Variants in CHAT observed in about 807,000 individuals in gnomAD.
CHAT encodes acetyl CoA:choline O-acetyltransferase.
A neutral mutation model predicts 76.9 loss-of-function variants in CHAT; 61 were observed. The ratio of observed to expected loss-of-function variants is 0.79; its 90% confidence interval spans 0.65 to 0.98. CHAT has a LOEUF of 0.98. Among genes scored for constraint, CHAT ranks in the 50% least tolerant of loss-of-function variants. The probability of loss-of-function intolerance (pLI) is 0.00; values close to 1 mark genes in which losing one functional copy is unlikely to be tolerated. For missense variants in CHAT, 946 were observed against 986.9 expected, an observed-to-expected ratio of 0.96 and a Z score of 0.56; for synonymous variants, 407 against 397.4, an observed-to-expected ratio of 1.02 and a Z score of -0.29.
At chr10:49,621,857 GGCAAGAACCACATCTGATTAGT>G (rs1358535688) in intron 4 of CHAT, among the ~76,000 whole-genome samples, 67 of 127,672 alleles carry the variant, frequency 5.2e-4, no homozygotes, top group African/African-American at 1.9e-3. Context: ...GGGGCTGGGG[GGCAAGAACCACATCTGATTAGT>G]GCAGGAACCA....
upstream of CHAT, chr10:49,610,815 G>A (rs1288731626): frequency 6.2e-7 from 1 of 1,601,940 alleles, no homozygotes; most frequent in Non-Finnish European, 8.5e-7. Flanking sequence ...GCGCGGCGCT[G>A]CAGGAGCCCC....
chr10:49,644,843 C>G (rs915583637), intron 7 of CHAT, among the ~76,000 whole-genome samples: 1 of 152,196 alleles, frequency 6.6e-6, no homozygotes, highest in Admixed American at 6.5e-5. Context: ...GTGTACACAG[C>G]AGGCATTGAG....
At chr10:49,645,258 C>T (rs1302543575) in intron 7 of CHAT, among the ~76,000 whole-genome samples, 2 of 152,206 alleles carry the variant, frequency 1.3e-5, no homozygotes, top group African/African-American at 4.8e-5. Context: ...ATGCACCCAT[C>T]TTCCCACACA....
At chr10:49,624,511 C>T (rs534984455) in intron 5 of CHAT, among the ~76,000 whole-genome samples, 33 of 152,338 alleles carry the variant, frequency 2.2e-4, no homozygotes, top group African/African-American at 7.2e-4. Flanking sequence ...CCTGCCAACA[C>T]TCTGTCTCAC....
chr10:49,609,589 G>T (rs1197971670), upstream of CHAT, among the ~76,000 whole-genome samples: 1 of 151,986 alleles, frequency 6.6e-6, no homozygotes, highest in Non-Finnish European at 1.5e-5. Flanking sequence ...TAATATTCGC[G>T]ACCCCGACTG....
At chr10:49,642,364 C>G (rs1839510881) in intron 7 of CHAT, among the ~76,000 whole-genome samples, 1 of 152,226 alleles carries the variant, frequency 6.6e-6, no homozygotes, top group African/African-American at 2.4e-5. Context: ...GCAAGGCCAC[C>G]TGGCTCCCCG....
At position 49,652,983 on chromosome 10, in the gene CHAT, T is replaced by C. The variant is rs550425652; in HGVS notation, c.1634+977T>C. Among the ~76,000 whole-genome samples, 10 of 152,158 alleles carry C rather than the reference T, an allele frequency of 6.6e-5. 1 individual carries two copies. In the South Asian group the frequency reaches 2.1e-3, roughly 32 times the overall value. ...GCCACCCATTCTCTGTCATACCACA[T>C]TGAATTTTCTTTTTCTTTCAGGCAG... On this transcript the variant is annotated intron_variant, in intron 11 of 14. Coordinates refer to ENST00000337653, the MANE Select transcript of CHAT (RefSeq NM_020549.5).
chr10:49,611,349 G>A, upstream of CHAT: 2 of 1,601,492 alleles, frequency 1.2e-6, no homozygotes, highest in South Asian at 1.1e-5. Flanking sequence ...TCGCCGATAA[G>A]TACCCGGAGG....
intron 4 of CHAT, among the ~76,000 whole-genome samples, chr10:49,621,418 C>T (rs1357009155): frequency 6.6e-6 from 1 of 152,230 alleles, no homozygotes; most frequent in Non-Finnish European, 1.5e-5. Context: ...AAACAGTTCT[C>T]ACAATTGCAT....
intron 7 of CHAT, among the ~76,000 whole-genome samples, chr10:49,645,594 C>T (rs1839634018): frequency 6.6e-6 from 1 of 152,150 alleles, no homozygotes; most frequent in Non-Finnish European, 1.5e-5. Context: ...CTTGGTGAAC[C>T]TCCCTGTGCC....
chr10:49,611,829 G>C (rs1366078786), upstream of CHAT: 6 of 1,604,172 alleles, frequency 3.7e-6, no homozygotes, highest in South Asian at 4.4e-5. Context: ...GCGCGCTTGG[G>C]CTGGCTGTGA....
At chr10:49,610,928 A>T (rs1838276448), upstream of CHAT, 1 of 1,611,184 alleles carries the variant, frequency 6.2e-7, no homozygotes, top group South Asian at 1.1e-5. Context: ...TACATCGCCC[A>T]CATGCGCGGG....
At chr10:49,615,795 C>T in intron 1 of CHAT, 1 of 550,140 alleles carries the variant, frequency 1.8e-6, no homozygotes, top group Non-Finnish European at 3.2e-6. Flanking sequence ...CCCCTAGGGG[C>T]CCTGGCTGCC....
In CHAT at chr10:49,667,035, G is replaced by A. The variant is rs943002504; in HGVS notation, c.*1989G>A. On this transcript the variant is annotated 3_prime_UTR_variant, in exon 15 of 15. Transcript: ENST00000337653. ...CGGCCAAATGACATGCATGCCCAGA[G>A]ACGCAGTTCCTTCCACTGTCAAATG... Among the ~76,000 whole-genome samples, 8 of 152,214 alleles carry A rather than the reference G, an allele frequency of 5.3e-5. No individual in the cohort carries two copies. Among genetic ancestry groups the A allele is most frequent in the African/African-American group, 1.9e-4 (8 of 41,460 alleles).
chr10:49,615,898 G>A, intron 1 of CHAT: 1 of 743,918 alleles, frequency 1.3e-6, no homozygotes, highest in Non-Finnish European at 2.3e-6. Flanking sequence ...GCCTCCAGCA[G>A]GCCCAGAGTC....
Position 49,651,583 on chromosome 10 carries a change from T to G in CHAT, c.1512-301T>G, listed in dbSNP as rs7903496. On this transcript the variant is annotated intron_variant, in intron 10 of 14. Transcript: ENST00000337653. Reference sequence around the variant, plus strand: ...CCGGGCATGTCACCTGTGTCACAGTTAATCCCTGACTCACTAACACAGCCA... The same window carrying G: ...CCGGGCATGTCACCTGTGTCACAGTGAATCCCTGACTCACTAACACAGCCA... Among the ~76,000 whole-genome samples the G allele has an allele frequency of 0.57, 86,046 of 152,146 alleles. 24,592 individuals carry two copies. The highest frequency in any genetic ancestry group is 0.69 in the East Asian group (3,543 of 5,168).
At chr10:49,650,772 C>T (rs1350775461) in intron 10 of CHAT, among the ~76,000 whole-genome samples, 2 of 152,068 alleles carry the variant, frequency 1.3e-5, no homozygotes, top group Admixed American at 6.5e-5. Context: ...AGCTGAAGAG[C>T]GGGAAGGACC....
At position 49,621,573 on chromosome 10, in the gene CHAT, A is replaced by T. The variant is rs182452481; in HGVS notation, c.699-524A>T. 4.3e-4 allele frequency among the ~76,000 whole-genome samples: 65 copies of T among 152,224 alleles called. No individual in the cohort carries two copies. The East Asian group carries it at 0.011, about 25-fold the overall frequency. Reference sequence around the variant, plus strand: ...CCGGGGGGTGGGAGGAAAGGGACCAAATTACTGGCTTTTCCCAGGAGAAAA... The same window carrying T: ...CCGGGGGGTGGGAGGAAAGGGACCATATTACTGGCTTTTCCCAGGAGAAAA... On this transcript the variant is annotated intron_variant, in intron 4 of 14. Transcript: ENST00000337653.
At chr10:49,620,259 G>A (rs888705062) in intron 3 of CHAT, among the ~76,000 whole-genome samples, 1 of 152,232 alleles carries the variant, frequency 6.6e-6, no homozygotes. Context: ...AGAGGACAGC[G>A]ATGTAGCACC....
Sources: allele counts gnomAD v4.1 joint callset (sites outside exome capture counted in the v4.1 genomes callset), GRCh38; gene constraint gnomAD v4.1.1; transcripts MANE v1.5; gene names NCBI Gene and HGNC (gene_info 2026-07-23, HGNC 2026-07-21).